Variants in RTN4RL1 observed in about 807,000 individuals in gnomAD.
RTN4RL1 encodes the protein reticulon-4 receptor-like 1.
In RTN4RL1, 7 loss-of-function variants were observed where a neutral mutation model predicts 25.6. The ratio of observed to expected loss-of-function variants is 0.27; its 90% CI spans 0.16 to 0.51. The LOEUF (loss-of-function observed/expected upper bound fraction) is 0.51. RTN4RL1 is among the 20% of genes least tolerant of loss of function. The pLI, the probability that RTN4RL1 is intolerant of heterozygous loss-of-function variation, is 0.97. For synonymous variants in RTN4RL1, 297 were observed against 288.2 expected (o/e 1.03, Z -0.31); for missense variants, 500 against 615.6 (o/e 0.81, Z 1.99).
chr17:1,979,524 T>TA (rs11451350), intron 1 of RTN4RL1, among the ~76,000 whole-genome samples: 142,450 of 152,152 alleles, frequency 0.94, 66,787 homozygotes, highest in Admixed American at 0.96. Context: ...AAATGCTGAG[T>TA]GGGGGGGTGT....
Position 1,998,469 on chromosome 17 carries a change from C to A in RTN4RL1, c.13+26384G>T, listed in dbSNP as rs921375815. On this transcript the variant is annotated intron_variant, in intron 1 of 1. Transcript: ENST00000331238. This position sits in a 1 kb window ranked among gnomAD's most constrained non-coding sequence, Gnocchi z 4.9. ...GCCGGGGATCTGCGCACCCCACGCG[C>A]CCCGCTCGGGTCGGGCCTCCCCTCC... Among the ~76,000 whole-genome samples, 1 of 152,004 alleles carries A rather than the reference C, an allele frequency of 6.6e-6. No individual in the cohort carries two copies. Among genetic ancestry groups the A allele is most frequent in the Admixed American group, 6.6e-5 (1 of 15,266 alleles).
chr17:1,991,781 C>A (rs1465145849), intron 1 of RTN4RL1, among the ~76,000 whole-genome samples: 1 of 152,150 alleles, frequency 6.6e-6, no homozygotes, highest in African/African-American at 2.4e-5. Flanking sequence ...CCAGTGGATC[C>A]CCTCCTGATG....
chr17:2,017,682 TACAC>T (rs5741760), intron 1 of RTN4RL1: 68,328 of 150,526 alleles, frequency 0.45, 15,618 homozygotes, highest in African/African-American at 0.54. Flanking sequence ...TTTCTGTACA[TACAC>T]ACACACACAC....
chr17:1,991,462 AAC>A (rs765846780), intron 1 of RTN4RL1, among the ~76,000 whole-genome samples: 44,681 of 120,378 alleles, frequency 0.37, 9,376 homozygotes, highest in Non-Finnish European at 0.44. Context: ...AAAAAAAAAA[AAC>A]AAAAAAAAAC....
chr17:1,999,303 G>A (rs903119821), intron 1 of RTN4RL1, among the ~76,000 whole-genome samples: 3 of 151,956 alleles, frequency 2.0e-5, no homozygotes, highest in Admixed American at 2.0e-4. Context: ...AAAATTAGCC[G>A]GGCGTGGTGG....
At chr17:1,956,367 G>A (rs1915793818) in intron 1 of RTN4RL1, among the ~76,000 whole-genome samples, 1 of 151,776 alleles carries the variant, frequency 6.6e-6, no homozygotes, top group Non-Finnish European at 1.5e-5. Context: ...GCCTTGGACA[G>A]CCTCGGAGAG....
At chr17:1,955,298 G>C (rs527548204) in intron 1 of RTN4RL1, among the ~76,000 whole-genome samples, 3 of 152,238 alleles carry the variant, frequency 2.0e-5, no homozygotes, top group African/African-American at 7.2e-5. Flanking sequence ...GCTGACACTT[G>C]TAATGCCAAT....
chr17:2,007,337 A>ACACACACACAC (rs1352398594), intron 1 of RTN4RL1, among the ~76,000 whole-genome samples: 2,237 of 140,386 alleles, frequency 0.016, 58 homozygotes, highest in African/African-American at 0.048. Flanking sequence ...TCACAGCCCC[A>ACACACACACAC]ACACACACAC....
chr17:2,018,769 G>A (rs893045708), intron 1 of RTN4RL1, among the ~76,000 whole-genome samples: 3 of 152,126 alleles, frequency 2.0e-5, no homozygotes, highest in African/African-American at 7.2e-5. Context: ...GAGCACAGAC[G>A]GATCCTGCAG....
rs150719821 is a variant in RTN4RL1 at position 1,937,743 on chromosome 17, G to A, written c.79C>T (p.Arg27Trp). The A allele has an allele frequency of 0.013, 21,276 of 1,608,086 alleles. 169 individuals carry two copies. Among genetic ancestry groups the A allele is most frequent in the Non-Finnish European group, 0.016 (19,058 of 1,179,570 alleles). Residue 27 changes from arginine (R) to tryptophan (W), a missense_variant, in exon 2 of 2, where the codon CGG becomes TGG. Transcript: ENST00000331238. ...GGCGCCGGGTAGCACACACAGTCCC[G>A]TGGGCAGCCACCACCCAGGGGCAGC... is the stretch of plus-strand genomic sequence containing the variant. ...AELPLGGGCP[R>W]DCVCYPAPMT...
intron 1 of RTN4RL1, among the ~76,000 whole-genome samples, chr17:1,953,572 A>G (rs950164975): frequency 6.6e-6 from 1 of 151,852 alleles, no homozygotes; most frequent in Non-Finnish European, 1.5e-5. Context: ...ATTAAAAAAA[A>G]AATTTTTTTT....
intron 1 of RTN4RL1, among the ~76,000 whole-genome samples, chr17:1,973,132 G>A (rs1447597844): frequency 1.3e-5 from 2 of 152,098 alleles, no homozygotes; most frequent in East Asian, 3.9e-4. Flanking sequence ...GGACGCTGAG[G>A]CAGGCACATC....
chr17:1,957,313 G>C (rs965103987), intron 1 of RTN4RL1, among the ~76,000 whole-genome samples: 1 of 152,086 alleles, frequency 6.6e-6, no homozygotes, highest in Non-Finnish European at 1.5e-5. Context: ...CCTTTCCTCT[G>C]TTTGCCTTCC....
chr17:1,974,666 G>A (rs961637483), intron 1 of RTN4RL1, among the ~76,000 whole-genome samples: 1 of 151,608 alleles, frequency 6.6e-6, no homozygotes, highest in Non-Finnish European at 1.5e-5. Context: ...AGGTGGAGAC[G>A]GGCTCTGACC....
intron 1 of RTN4RL1, among the ~76,000 whole-genome samples, chr17:2,008,664 G>A (rs1372190160): frequency 6.6e-6 from 1 of 152,074 alleles, no homozygotes; most frequent in East Asian, 1.9e-4. Context: ...GCAACAGTTG[G>A]GCTCCCACCA....
In RTN4RL1 at chr17:2,004,185, G is replaced by A. The variant is rs1044235305; in HGVS notation, c.13+20668C>T. Reference sequence around the variant, plus strand: ...AGATCAAGACCATCCTGGCTAACACGGTGAAACCCCGTCTCTACTAAAAAT... The same window carrying A: ...AGATCAAGACCATCCTGGCTAACACAGTGAAACCCCGTCTCTACTAAAAAT... On this transcript the variant is annotated intron_variant, in intron 1 of 1. Transcript: ENST00000331238. 4.0e-5 allele frequency among the ~76,000 whole-genome samples: 6 copies of A among 151,454 alleles called. No homozygotes were observed. The South Asian group carries it at 6.2e-4, about 16-fold the overall frequency.
intron 1 of RTN4RL1, among the ~76,000 whole-genome samples, chr17:1,951,038 G>A (rs1334418874): frequency 6.6e-6 from 1 of 151,870 alleles, no homozygotes; most frequent in African/African-American, 2.4e-5. Flanking sequence ...GGCTGAGGAG[G>A]GTGGATCACG....
At chr17:1,962,798 G>T (rs933354094) in intron 1 of RTN4RL1, among the ~76,000 whole-genome samples, 1 of 148,794 alleles carries the variant, frequency 6.7e-6, no homozygotes, top group Non-Finnish European at 1.5e-5. Context: ...GGAGGCAGAG[G>T]TTGCAGTGAG....
chr17:2,024,434 G>A (rs1279539723), intron 1 of RTN4RL1, among the ~76,000 whole-genome samples: 2 of 151,708 alleles, frequency 1.3e-5, no homozygotes, highest in Non-Finnish European at 2.9e-5. Flanking sequence ...GTCACTGACC[G>A]CTGGCTGCAC....
Sources: gnomAD v4.1 joint callset for allele counts (sites outside exome capture counted in the v4.1 genomes callset) on GRCh38, gnomAD v4.1.1 for gene constraint, Gnocchi (gnomAD v3.1) non-coding constraint, MANE v1.5 for transcripts, NCBI Gene and HGNC (gene_info 2026-07-23, HGNC 2026-07-21) for gene names.